The following BRINP3 variants were observed in gnomAD, a reference collection of about 807,000 sequenced individuals.
The protein encoded by BRINP3 is BMP/retinoic acid inducible neural specific 3.
In BRINP3, 19 loss-of-function variants were observed where a neutral mutation model predicts 71.0. The ratio of observed to expected loss-of-function variants is 0.27; its 90% CI spans 0.19 to 0.39. The LOEUF is 0.39. Among genes scored for constraint, BRINP3 ranks in the 10% least tolerant of loss-of-function variants. The pLI is 1.00. For synonymous variants in BRINP3, 380 were observed against 337.7 expected (o/e 1.13, Z -1.37); for missense variants, 959 against 940.8 (o/e 1.02, Z -0.25).
At chr1:190,450,938 A>C (rs1675564515) in intron 2 of BRINP3, among the ~76,000 whole-genome samples, 1 of 152,034 alleles carries the variant, frequency 6.6e-6, no homozygotes, top group South Asian at 2.1e-4. Context: ...GTCTTTCCTT[A>C]GTCATTTTTT....
In BRINP3 at chr1:190,106,660, A is replaced by T. The variant is rs1652195400; in HGVS notation, c.1185-7526T>A. Reference sequence around the variant, plus strand: ...GGTTGTAAAGGATTTTTAAAAACATATATTTATTTATTATTATTTTTTATT... The same window carrying T: ...GGTTGTAAAGGATTTTTAAAAACATTTATTTATTTATTATTATTTTTTATT... On this transcript the variant is annotated intron_variant, in intron 7 of 7. Coordinates refer to ENST00000367462, the MANE Select transcript of BRINP3 (RefSeq NM_199051.3). Among the ~76,000 whole-genome samples, 4 of 151,326 alleles carry T rather than the reference A, an allele frequency of 2.6e-5. No homozygotes were observed. The South Asian group carries it at 8.3e-4, about 31-fold the overall frequency.
chr1:190,317,774 T>C (rs967715338), intron 2 of BRINP3, among the ~76,000 whole-genome samples: 3 of 152,292 alleles, frequency 2.0e-5, no homozygotes, highest in African/African-American at 2.4e-5. Flanking sequence ...CTCACACTTA[T>C]GCTGTAAGAT....
chr1:190,301,181 ATATATG>A (rs1558160370), intron 2 of BRINP3, among the ~76,000 whole-genome samples: 14 of 117,084 alleles, frequency 1.2e-4, no homozygotes, highest in Non-Finnish European at 1.7e-4. Flanking sequence ...ATATACATAT[ATATATG>A]TATATATATA....
intron 4 of BRINP3, among the ~76,000 whole-genome samples, chr1:190,248,462 A>C (rs1030467212): frequency 6.6e-6 from 1 of 151,774 alleles, no homozygotes; most frequent in Non-Finnish European, 1.5e-5. Context: ...CTGCCCATTA[A>C]GATACTATCG....
chr1:190,120,295 T>C (rs547885607), intron 7 of BRINP3, among the ~76,000 whole-genome samples: 1 of 152,214 alleles, frequency 6.6e-6, no homozygotes, highest in African/African-American at 2.4e-5. Flanking sequence ...ATAATAAAAT[T>C]TTACTATTCC....
In BRINP3 at chr1:190,281,739, C is replaced by A. The variant is rs752029342; in HGVS notation, c.248G>T (p.Arg83Leu). Reference sequence around the variant, plus strand: ...AACTGCAAGGTTATTTACTTTCCAGCGGCCAAACTCCCTGAAAAGCAAATT... The same window carrying A: ...AACTGCAAGGTTATTTACTTTCCAGAGGCCAAACTCCCTGAAAAGCAAATT... ...TRYKIYREFGRWKVNNLAVER... is the reference protein window; with the variant it reads ...TRYKIYREFGLWKVNNLAVER... Residue 83 changes from arginine (R) to leucine (L), a missense_variant, in exon 3 of 8, where the codon CGC becomes CTC. Arg to Leu is a moderately radical substitution (Grantham distance 102). Transcript: ENST00000367462. The A allele has an allele frequency of 6.2e-7, 1 of 1,605,156 alleles. No individual in the cohort carries two copies.
intron 7 of BRINP3, among the ~76,000 whole-genome samples, chr1:190,144,754 C>T: frequency 6.6e-6 from 1 of 152,094 alleles, no homozygotes; most frequent in Non-Finnish European, 1.5e-5. Context: ...AATGATCTGT[C>T]AGTCATCCCC....
intron 7 of BRINP3, among the ~76,000 whole-genome samples, chr1:190,110,595 G>A (rs111730712): frequency 0.034 from 5,212 of 152,220 alleles, 303 homozygotes; most frequent in African/African-American, 0.12. Context: ...CATAGAGTAT[G>A]TTAAAGCCAG....
intron 6 of BRINP3, among the ~76,000 whole-genome samples, chr1:190,171,978 G>A (rs1652055555): frequency 6.6e-6 from 1 of 150,788 alleles, no homozygotes; most frequent in Non-Finnish European, 1.5e-5. Flanking sequence ...AGTTGTGGCT[G>A]TAGTCCCAAC....
chr1:190,279,122 T>C (rs1429011831), intron 3 of BRINP3, among the ~76,000 whole-genome samples: 6 of 151,804 alleles, frequency 4.0e-5, no homozygotes, highest in Admixed American at 2.6e-4. Context: ...TAATGAAGTA[T>C]GTGTTTCAAA....
intron 2 of BRINP3, among the ~76,000 whole-genome samples, chr1:190,299,207 T>C (rs1664483838): frequency 6.6e-6 from 1 of 152,104 alleles, no homozygotes; most frequent in Admixed American, 6.6e-5. Context: ...TGAAGTGTGT[T>C]TTTTTCATAG....
At chr1:190,216,562 A>G (rs578060082) in intron 6 of BRINP3, among the ~76,000 whole-genome samples, 2 of 151,844 alleles carry the variant, frequency 1.3e-5, no homozygotes, top group Admixed American at 1.3e-4. Context: ...TGACACTTTT[A>G]TTTGCAGGCT....
At chr1:190,352,847 C>CTG (rs1246203856) in intron 2 of BRINP3, among the ~76,000 whole-genome samples, 3 of 149,582 alleles carry the variant, frequency 2.0e-5, no homozygotes, top group Non-Finnish European at 4.5e-5. Context: ...TATTCTCTCT[C>CTG]TCTCTCTCTC....
chr1:190,298,127 C>A (rs375792868), intron 2 of BRINP3, among the ~76,000 whole-genome samples: 1 of 152,044 alleles, frequency 6.6e-6, no homozygotes, highest in East Asian at 1.9e-4. Context: ...ATAGAGTTTT[C>A]ACGGTATTCC....
At chr1:190,308,562 C>T (rs1414291911) in intron 2 of BRINP3, among the ~76,000 whole-genome samples, 1 of 151,674 alleles carries the variant, frequency 6.6e-6, no homozygotes, top group Admixed American at 6.6e-5. Context: ...TTAATGGGTG[C>T]AGCACACCAG....
At chr1:190,311,896 G>C (rs1360850391) in intron 2 of BRINP3, among the ~76,000 whole-genome samples, 1 of 149,872 alleles carries the variant, frequency 6.7e-6, no homozygotes, top group African/African-American at 2.4e-5. Context: ...ATAGTGCCAG[G>C]AGAGTAAATA....
chr1:190,159,586 A>T (rs2102454305), intron 7 of BRINP3, among the ~76,000 whole-genome samples: 1 of 152,214 alleles, frequency 6.6e-6, no homozygotes, highest in Non-Finnish European at 1.5e-5. Context: ...AAAAGGCCAT[A>T]TATTGTACGA....
intron 6 of BRINP3, among the ~76,000 whole-genome samples, chr1:190,193,486 T>C (rs536426338): frequency 4.6e-5 from 7 of 152,160 alleles, no homozygotes; most frequent in Non-Finnish European, 5.9e-5. Flanking sequence ...ATTTTGGTGA[T>C]TGTGGTAGGC....
rs1310145043 is a variant in BRINP3 at position 190,443,348 on chromosome 1, T to A, written c.236+11307A>T. ...TGAACCAGGGAGGCGGAGCTTGCAG[T>A]GAGCCGAGATCGTGCCTGGGCACTC... On this transcript the variant is annotated intron_variant, in intron 2 of 7. Coordinates refer to ENST00000367462, the MANE Select transcript of BRINP3 (RefSeq NM_199051.3). 1.4e-5 allele frequency among the ~76,000 whole-genome samples: 2 copies of A among 147,830 alleles called. 1 individual carries two copies. The highest frequency in any genetic ancestry group is 5.0e-5 in the African/African-American group (2 of 39,726).
Sources: gnomAD v4.1 joint callset for allele counts (sites outside exome capture counted in the v4.1 genomes callset) on GRCh38, gnomAD v4.1.1 for gene constraint, MANE v1.5 for transcripts, NCBI Gene and HGNC (gene_info 2026-07-23, HGNC 2026-07-21) for gene names.